FLT1: variants seen among roughly 807,000 people sequenced by gnomAD.
The protein encoded by FLT1 is fms related receptor tyrosine kinase 1, also known as vascular endothelial growth factor receptor 1.
Under a neutral mutation model 156.3 loss-of-function variants are expected in FLT1, and 49 were observed. The observed-to-expected ratio is 0.31, with a 90% CI of 0.25 to 0.40. The LOEUF (loss-of-function observed/expected upper bound fraction) is 0.40, where lower values mean the gene tolerates loss of function less well. Among genes scored for constraint, FLT1 ranks in the 10% least tolerant of loss-of-function variants. The pLI, the probability that FLT1 is intolerant of heterozygous loss-of-function variation, is 1.00. For synonymous variants in FLT1, 594 were observed against 583.8 expected (o/e 1.02, Z -0.25); for missense variants, 1,322 against 1,637.2 (o/e 0.81, Z 3.32).
chr13:28,363,704 C>A (rs940078003), intron 14 of FLT1, among the ~76,000 whole-genome samples: 5 of 151,938 alleles, frequency 3.3e-5, no homozygotes, highest in African/African-American at 1.2e-4. Flanking sequence ...ACCTTTGCCT[C>A]CTGGGTTCAA....
At chr13:28,345,330 A>G in intron 16 of FLT1, 115 bp downstream of exon 16, 1 of 707,240 alleles carries the variant, frequency 1.4e-6, no homozygotes, top group Non-Finnish European at 2.6e-6. Flanking sequence ...AGAGATAGGA[A>G]TGAGAGGGAA....
intron 1 of FLT1, among the ~76,000 whole-genome samples, chr13:28,480,481 G>A (rs1880772250): frequency 1.3e-5 from 2 of 152,316 alleles, no homozygotes; most frequent in South Asian, 4.1e-4. Flanking sequence ...AGTGCCAGGT[G>A]TGGAGGTACC....
At chr13:28,366,076 C>G (rs1281493565) in intron 14 of FLT1, among the ~76,000 whole-genome samples, 1 of 152,004 alleles carries the variant, frequency 6.6e-6, no homozygotes, top group Non-Finnish European at 1.5e-5. Flanking sequence ...CTGGTGTTGT[C>G]TTCTGAGTTT....
intron 18 of FLT1, among the ~76,000 whole-genome samples, chr13:28,332,495 G>A (rs1447824683): frequency 6.6e-6 from 1 of 152,106 alleles, no homozygotes; most frequent in Non-Finnish European, 1.5e-5. Flanking sequence ...CTATCTCTAG[G>A]TTGGATACTG....
intron 25 of FLT1, among the ~76,000 whole-genome samples, chr13:28,316,967 A>G (rs1871237988): frequency 6.6e-6 from 1 of 152,168 alleles, no homozygotes; most frequent in South Asian, 2.1e-4. Flanking sequence ...TTGCCCACAA[A>G]GCCTTCTGTG....
intron 25 of FLT1, among the ~76,000 whole-genome samples, chr13:28,314,554 A>C (rs1871129511): frequency 6.6e-6 from 1 of 152,216 alleles, no homozygotes; most frequent in Admixed American, 6.5e-5. Flanking sequence ...CTTGCATCCA[A>C]GCTGGGGATG....
intron 14 of FLT1, among the ~76,000 whole-genome samples, chr13:28,374,593 C>T (rs1318033486): frequency 7.3e-5 from 11 of 151,672 alleles, no homozygotes; most frequent in Admixed American, 6.6e-5. Flanking sequence ...CTCACTGCAA[C>T]CTCCACCTCC....
chr13:28,336,453 C>G (rs750104404), intron 17 of FLT1, among the ~76,000 whole-genome samples: 1 of 152,208 alleles, frequency 6.6e-6, no homozygotes, highest in Non-Finnish European at 1.5e-5. Context: ...TGGAATGCCA[C>G]TAACTAGCTC....
intron 14 of FLT1, among the ~76,000 whole-genome samples, chr13:28,360,855 G>T (rs976668509): frequency 1.3e-5 from 2 of 152,200 alleles, no homozygotes; most frequent in Admixed American, 1.3e-4. Context: ...CCACCACAAA[G>T]AAATGATATT....
intron 11 of FLT1, among the ~76,000 whole-genome samples, chr13:28,400,128 G>A (rs141015519): frequency 2.6e-5 from 4 of 152,318 alleles, no homozygotes; most frequent in Admixed American, 6.5e-5. Context: ...GACTCTTTAA[G>A]TTGAATAACA....
intron 10 of FLT1, among the ~76,000 whole-genome samples, chr13:28,425,778 C>A (rs1165806847): frequency 1.3e-5 from 2 of 151,964 alleles, no homozygotes; most frequent in East Asian, 1.9e-4. Context: ...TGTCAAGACC[C>A]TAAACGGATG....
At chr13:28,490,430 C>G (rs1380056442) in intron 1 of FLT1, among the ~76,000 whole-genome samples, 2 of 152,176 alleles carry the variant, frequency 1.3e-5, no homozygotes, top group African/African-American at 4.8e-5. Flanking sequence ...CCTTAATGAA[C>G]CCCCCTGCAG....
chr13:28,465,885 A>G (rs1004395406), intron 3 of FLT1, among the ~76,000 whole-genome samples: 12 of 152,218 alleles, frequency 7.9e-5, no homozygotes, highest in Non-Finnish European at 2.9e-5. Flanking sequence ...CTAAAATGTT[A>G]GTTCTATTGT....
chr13:28,472,002 C>T (rs1176329143), intron 1 of FLT1, among the ~76,000 whole-genome samples: 1 of 152,134 alleles, frequency 6.6e-6, no homozygotes, highest in Admixed American at 6.5e-5. Context: ...CATTAAAAAA[C>T]CAACATGTGA....
At chr13:28,357,838 T>C (rs912710569) in intron 14 of FLT1, among the ~76,000 whole-genome samples, 153 bp from the exon 15 acceptor site, 4 of 150,966 alleles carry the variant, frequency 2.6e-5, no homozygotes, top group Non-Finnish European at 4.4e-5. Context: ...TTGTTTTCTC[T>C]GGGTCCAGGC....
At chr13:28,421,180 A>G (rs182828980) in intron 10 of FLT1, among the ~76,000 whole-genome samples, 113 of 152,278 alleles carry the variant, frequency 7.4e-4, no homozygotes, top group African/African-American at 2.7e-3. Flanking sequence ...TAACTTCTAA[A>G]GCATGTAACT....
At position 28,431,128 on chromosome 13, in the gene FLT1, A is replaced by T; in HGVS notation, c.988+8T>A. The T allele has an allele frequency of 2.5e-6, 4 of 1,610,426 alleles. No individual in the cohort carries two copies. Among genetic ancestry groups the T allele is most frequent in the Non-Finnish European group, 3.4e-6 (4 of 1,176,656 alleles). On this transcript the variant is annotated splice_region_variant and intron_variant, in intron 7 of 29. Transcript: ENST00000282397. ...TAGCATGAGTTGGCAACGCTGAACT[A>T]TGCTTACCATATATATGCACTGAGG...
intron 14 of FLT1, among the ~76,000 whole-genome samples, chr13:28,377,931 G>T (rs182554321): frequency 1.8e-4 from 27 of 151,076 alleles, no homozygotes; most frequent in Non-Finnish European, 3.1e-4. Flanking sequence ...TCAGAATAAT[G>T]TTTACCTTTA....
intron 13 of FLT1, chr13:28,388,232 T>G: frequency 9.5e-7 from 1 of 1,057,562 alleles, no homozygotes; most frequent in Non-Finnish European, 1.1e-6. Context: ...CATTTGGGGC[T>G]CCATAAAACT....
Sources: gnomAD v4.1 joint callset for allele counts (sites outside exome capture counted in the v4.1 genomes callset) on GRCh38, gnomAD v4.1.1 for gene constraint, MANE v1.5 for transcripts, NCBI Gene and HGNC (gene_info 2026-07-23, HGNC 2026-07-21) for gene names.